The following LAMB4 variants were observed in gnomAD, a reference collection of about 807,000 sequenced individuals.
LAMB4 encodes laminin subunit beta-4.
A neutral mutation model predicts 199.2 loss-of-function variants in LAMB4; 196 were observed. The observed-to-expected ratio is 0.98, with a 90% CI of 0.88 to 1.11. The LOEUF is 1.11. Among genes scored for constraint, LAMB4 ranks in the 50% least tolerant of loss-of-function variants. The pLI is 0.00. For synonymous variants in LAMB4, 744 were observed against 770.6 expected (o/e 0.97, Z 0.57); for missense variants, 2,080 against 2,171.2 (o/e 0.96, Z 0.83).
At chr7:108,046,343 G>A (rs1230358084) in intron 28 of LAMB4, among the ~76,000 whole-genome samples, 4 of 150,808 alleles carry the variant, frequency 2.7e-5, no homozygotes, top group Non-Finnish European at 1.5e-5. Context: ...CACCTGCATC[G>A]GCCTCCCAAA....
intron 3 of LAMB4, among the ~76,000 whole-genome samples, 158 bp from the exon 4 acceptor site, chr7:108,112,104 G>T (rs190229194): frequency 4.1e-4 from 62 of 152,288 alleles, no homozygotes; most frequent in African/African-American, 1.4e-3. Context: ...ATCAGTAGGT[G>T]CCTAAGTACA....
At chr7:108,030,657 G>A (rs58442437) in intron 32 of LAMB4, 149 bp downstream of exon 32, 153,592 of 703,944 alleles carry the variant, frequency 0.22, 18,152 homozygotes, top group East Asian at 0.3. Flanking sequence ...AATCCTTTGT[G>A]CATCAGGATC....
At chr7:108,011,988 A>G in the LAMB4 span, among the ~76,000 whole-genome samples, 1 of 151,772 alleles carries the variant, frequency 6.6e-6, no homozygotes, top group Non-Finnish European at 1.5e-5. Flanking sequence ...TTTATATAAA[A>G]CCATATGAAT....
Position 108,116,076 on chromosome 7 carries a change from G to A in LAMB4, c.120C>T (p.Asn40=), listed in dbSNP as rs374666407. 7 of 1,614,080 alleles carry A rather than the reference G, an allele frequency of 4.3e-6. No individual in the cohort carries two copies. Among genetic ancestry groups the A allele is most frequent in the East Asian group, 2.2e-5 (1 of 44,880 alleles). The change falls in exon 3 of 34, where the codon AAC becomes AAT. Residue 40 remains asparagine (N), a synonymous_variant. Coordinates refer to ENST00000388781, the MANE Select transcript of LAMB4 (RefSeq NM_007356.3). ...PTTGDLLVGR[N]TQLMASSTCG... ...AGGTAGAAGAAGCCATAAGCTGCGT[G>A]TTCCTGCCCACCAGGAGATCACCAG...
Position 108,079,585 on chromosome 7 carries a change from G to T in LAMB4, c.1887+16C>A, listed in dbSNP as rs534663038. 1 of 1,573,482 alleles carries T rather than the reference G, an allele frequency of 6.4e-7. No homozygotes were observed. The highest frequency in any genetic ancestry group is 1.2e-5 in the South Asian group (1 of 84,096). ...TGTCAGCTTTTCACCACCAAAGTTG[G>T]AGAGTTAAAGGATACCTGGGTTTCA... On this transcript the variant is annotated intron_variant, in intron 15 of 33. Coordinates refer to ENST00000388781, the MANE Select transcript of LAMB4 (RefSeq NM_007356.3).
intron 23 of LAMB4, among the ~76,000 whole-genome samples, chr7:108,061,919 A>G (rs758778982): frequency 1.3e-5 from 2 of 152,140 alleles, no homozygotes; most frequent in Non-Finnish European, 2.9e-5. Flanking sequence ...CATGCTTACT[A>G]ATTGGAAAGA....
chr7:108,053,152 C>T (rs2150528797), intron 25 of LAMB4, among the ~76,000 whole-genome samples: 1 of 152,302 alleles, frequency 6.6e-6, no homozygotes, highest in Admixed American at 6.5e-5. Context: ...ATATGCCGGA[C>T]ACTATGCTAA....
chr7:108,032,695 C>CGTGTGT lies in LAMB4; in HGVS notation c.4818+1507_4818+1512dup, dbSNP rs3050225. 7.1e-3 allele frequency among the ~76,000 whole-genome samples: 1,024 copies of CGTGTGT among 144,608 alleles called. 8 individuals are homozygous for CGTGTGT. The highest frequency in any genetic ancestry group is 0.016 in the South Asian group (70 of 4,434). The allele number at this position is 144,608 out of a possible 152,430, so 94.9% of individuals were successfully genotyped here. A position where few individuals can be genotyped will look rare whatever the true frequency, so the allele number is the denominator to read the frequency against. ...TTTTTCTACTGACTCTGTGTGTTTG[C>CGTGTGT]GTGTGTGTGTGTGTGTGTGTGTGTG... On this transcript the variant is annotated intron_variant, in intron 31 of 33. Coordinates refer to ENST00000388781, the MANE Select transcript of LAMB4 (RefSeq NM_007356.3).
downstream of LAMB4, among the ~76,000 whole-genome samples, chr7:108,023,190 T>C (rs766289285): frequency 1.3e-5 from 2 of 152,238 alleles, no homozygotes; most frequent in Non-Finnish European, 2.9e-5. Context: ...TCAATGTTGA[T>C]GTATATTATT....
chr7:108,056,029 G>A, intron 24 of LAMB4, 22 bp from the exon 25 acceptor site: 4 of 1,582,354 alleles, frequency 2.5e-6, no homozygotes, highest in Non-Finnish European at 3.4e-6. Context: ...AACAGAAGGA[G>A]CAGAGAATGT....
chr7:108,103,672 A>G (rs781137074), intron 9 of LAMB4, among the ~76,000 whole-genome samples: 3 of 152,244 alleles, frequency 2.0e-5, no homozygotes, highest in Non-Finnish European at 4.4e-5. Context: ...TTTCCACAGC[A>G]GCAGAGAGCT....
Position 108,043,789 on chromosome 7 carries a change from G to T in LAMB4, c.4434C>A (p.Ile1478=), listed in dbSNP as rs2035520785. Reference sequence around the variant, plus strand: ...TTTTCACTTTTTTGATGAAAAGATTGATGTTTTCTTCTTCAGAGTCACTTT... The same window carrying T: ...TTTTCACTTTTTTGATGAAAAGATTTATGTTTTCTTCTTCAGAGTCACTTT... ...RNQSDSEEEN[I]NLFIKKVKNF... Residue 1478 remains isoleucine, a synonymous_variant, in exon 29 of 34, where the codon ATC becomes ATA. Coordinates refer to ENST00000388781, the MANE Select transcript of LAMB4 (RefSeq NM_007356.3). 6.3e-7 allele frequency: 1 copy of T among 1,595,814 alleles called. No homozygotes were observed. Among genetic ancestry groups the T allele is most frequent in the African/African-American group, 1.3e-5 (1 of 74,274 alleles).
In LAMB4 at chr7:108,033,657, C is replaced by A. The variant is rs184483098; in HGVS notation, c.4818+551G>T. 4.6e-3 allele frequency among the ~76,000 whole-genome samples: 694 copies of A among 152,070 alleles called. 2 individuals are homozygous for A. The highest frequency in any genetic ancestry group is 0.016 in the African/African-American group (662 of 41,492). On this transcript the variant is annotated intron_variant, in intron 31 of 33. Transcript: ENST00000388781. ...CTCCTCACCTCGGGTGATACACCCA[C>A]CTTGACCTCCCAAAGTGCTGGGATT...
the LAMB4 span, among the ~76,000 whole-genome samples, chr7:108,014,487 T>C: frequency 1.3e-5 from 2 of 152,216 alleles, no homozygotes; most frequent in South Asian, 4.1e-4. Context: ...CAGAGAAATG[T>C]TTACACAAAT....
chr7:108,031,369 GA>G (rs371230419), intron 31 of LAMB4, among the ~76,000 whole-genome samples: 11,939 of 81,056 alleles, frequency 0.15, 635 homozygotes, highest in South Asian at 0.3. Context: ...AAAAGGAAAA[GA>G]AAAAAAAAAA....
chr7:108,109,303 G>A, intron 4 of LAMB4, 59 bp from the exon 5 acceptor site: 1 of 1,202,682 alleles, frequency 8.3e-7, no homozygotes, highest in Non-Finnish European at 1.2e-6. Context: ...TGCTTATCAT[G>A]TTAATTCCCC....
At chr7:108,075,389 G>A (rs1034772366) in intron 17 of LAMB4, 1 of 152,140 alleles carries the variant, frequency 6.6e-6, no homozygotes, top group Non-Finnish European at 1.5e-5. Flanking sequence ...AAGTCTCTGT[G>A]CAACTACTCA....
chr7:108,084,784 C>CTTTTTTT (rs745640979), intron 14 of LAMB4, among the ~76,000 whole-genome samples: 7 of 96,524 alleles, frequency 7.3e-5, no homozygotes, highest in Non-Finnish European at 1.2e-4. Context: ...CCAAGGAATC[C>CTTTTTTT]TTTTTTTTTT....
chr7:108,076,549 G>A (rs1422092387), intron 17 of LAMB4, among the ~76,000 whole-genome samples: 4 of 152,124 alleles, frequency 2.6e-5, no homozygotes, highest in Non-Finnish European at 5.9e-5. Context: ...TAATGTGGTT[G>A]GATTTCTTCC....
Sources: allele counts gnomAD v4.1 joint callset (sites outside exome capture counted in the v4.1 genomes callset), GRCh38; gene constraint gnomAD v4.1.1; transcripts MANE v1.5; gene names NCBI Gene and HGNC (gene_info 2026-07-23, HGNC 2026-07-21).